PEX13: variants seen among roughly 807,000 people sequenced by gnomAD.
PEX13 encodes peroxisomal biogenesis factor 13, also known as peroxisome biogenesis factor 13.
A neutral mutation model predicts 34.5 loss-of-function variants in PEX13; 28 were observed. The observed-to-expected ratio is 0.81, with a 90% CI of 0.60 to 1.11. PEX13 has a LOEUF of 1.11. Ranked by LOEUF, PEX13 falls within the 50% of genes most tolerant of loss-of-function variation. The pLI is 0.00. For missense variants in PEX13, 550 were observed against 491.0 expected, an observed-to-expected ratio of 1.12 and a Z score of -1.13; for synonymous variants, 177 against 175.1, an observed-to-expected ratio of 1.01 and a Z score of -0.09.
At chr2:61,045,498 G>C (rs1018606022) in intron 2 of PEX13, among the ~76,000 whole-genome samples, 38 of 152,170 alleles carry the variant, frequency 2.5e-4, no homozygotes, top group Middle Eastern at 6.8e-3. Context: ...CCAACCCCTG[G>C]CTCACGGTAA....
intron 1 of PEX13, among the ~76,000 whole-genome samples, chr2:61,020,893 G>A (rs1319992956): frequency 1.3e-5 from 2 of 152,142 alleles, no homozygotes; most frequent in Non-Finnish European, 2.9e-5. Context: ...GACCTCAGGT[G>A]ATCTGCCCAC....
chr2:61,020,855 A>G (rs900216152), intron 1 of PEX13, among the ~76,000 whole-genome samples: 3 of 151,964 alleles, frequency 2.0e-5, no homozygotes, highest in East Asian at 1.9e-4. Flanking sequence ...GGGTTTCACT[A>G]TGTTGGCCAG....
chr2:61,049,197 AT>A lies in PEX13; in HGVS notation c.*442del, dbSNP rs201619544. The A allele has an allele frequency of 0.015, 2,240 of 150,994 alleles. No individual in the cohort carries two copies. The highest frequency in any genetic ancestry group is 0.045 in the South Asian group (250 of 5,512). 9.4% of individuals were successfully genotyped at this position (150,994 alleles called of 1,614,324 possible). On this transcript the variant is annotated 3_prime_UTR_variant, in exon 4 of 4. Transcript: ENST00000295030. ...CAGTATGAGAACAGGCAAAAGGTAA[AT>A]TTTTTTTTTTTTTTACAACCTTAAG...
chr2:61,047,552 G>C (rs1339385656), intron 3 of PEX13, among the ~76,000 whole-genome samples: 2 of 152,158 alleles, frequency 1.3e-5, no homozygotes, highest in East Asian at 1.9e-4. Context: ...GAACAACACA[G>C]ATAATTTTAA....
At position 61,031,973 on chromosome 2, in the gene PEX13, G is replaced by T. The variant is rs1461746467; in HGVS notation, c.647G>T (p.Gly216Val). 5 of 1,614,072 alleles carry T rather than the reference G, an allele frequency of 3.1e-6. No homozygotes were observed. The highest frequency in any genetic ancestry group is 2.2e-5 in the East Asian group (1 of 44,888). The change falls in exon 2 of 4, where the codon GGA (glycine) becomes GTA (valine). Residue 216 changes from glycine (G) to valine (V), a missense_variant. Physicochemically the swap from Gly to Val is moderately radical, Grantham distance 109. Coordinates refer to ENST00000295030, the MANE Select transcript of PEX13 (RefSeq NM_002618.4). ...GAAGACCTCTGGGCAGAGAGTGAAG[G>T]AACTGTGGCATGCCTTGGTGCTGAG... ...ENEDLWAESE[G>V]TVACLGAEDR...
intron 1 of PEX13, chr2:61,018,429 G>A (rs945352669): frequency 9.6e-7 from 1 of 1,044,470 alleles, no homozygotes; most frequent in Non-Finnish European, 1.3e-6. Flanking sequence ...GCCTATGGAT[G>A]GACTTTGTGT....
chr2:61,037,279 G>A (rs182985552), intron 2 of PEX13, among the ~76,000 whole-genome samples: 356 of 152,186 alleles, frequency 2.3e-3, no homozygotes, highest in Non-Finnish European at 4.6e-3. Context: ...CCTAATAGAC[G>A]TCTACAGAAC....
rs569645928 is a variant in PEX13 at position 61,038,926 on chromosome 2, G to A, written c.788-6800G>A. On this transcript the variant is annotated intron_variant, in intron 2 of 3. Transcript: ENST00000295030. ...AGCAAAGTATCAGGATACAAAATCA[G>A]TGTGCAAAAATCACAAGCATTCCTA... Among the ~76,000 whole-genome samples the A allele has an allele frequency of 9.2e-5, 14 of 152,240 alleles. 1 individual carries two copies. Among genetic ancestry groups the A allele is most frequent in the Middle Eastern group, 3.4e-3 (1 of 294 alleles).
intron 1 of PEX13, among the ~76,000 whole-genome samples, chr2:61,023,264 C>T (rs1375331177): frequency 1.3e-5 from 2 of 152,144 alleles, no homozygotes; most frequent in Non-Finnish European, 1.5e-5. Flanking sequence ...CTCAGCCTCC[C>T]AAAATGCTGG....
intron 2 of PEX13, among the ~76,000 whole-genome samples, chr2:61,041,688 T>G (rs938962744): frequency 6.6e-6 from 1 of 152,142 alleles, no homozygotes; most frequent in African/African-American, 2.4e-5. Context: ...AATGGCCAAA[T>G]TGAGTGATCA....
intron 1 of PEX13, among the ~76,000 whole-genome samples, chr2:61,021,834 G>T (rs920293390): frequency 2.6e-5 from 4 of 152,196 alleles, no homozygotes; most frequent in Non-Finnish European, 5.9e-5. Flanking sequence ...GAAGGATCAG[G>T]CAGCAATATT....
chr2:61,028,331 G>A (rs1314006174), intron 1 of PEX13, among the ~76,000 whole-genome samples: 1 of 151,604 alleles, frequency 6.6e-6, no homozygotes, highest in African/African-American at 2.4e-5. Flanking sequence ...CGAAATAAGA[G>A]TACAAGTTAA....
At chr2:61,029,336 G>A (rs902579809) in intron 1 of PEX13, among the ~76,000 whole-genome samples, 11 of 152,074 alleles carry the variant, frequency 7.2e-5, no homozygotes, top group Non-Finnish European at 1.5e-5. Context: ...AAAAATATAA[G>A]AGCAGATGTG....
intron 2 of PEX13, among the ~76,000 whole-genome samples, chr2:61,035,196 C>T (rs957813679): frequency 1.3e-5 from 2 of 152,150 alleles, no homozygotes; most frequent in African/African-American, 4.8e-5. Context: ...CTGGAGTGGA[C>T]CTCCAGCAAA....
chr2:61,019,624 C>T (rs72809431), intron 1 of PEX13, among the ~76,000 whole-genome samples: 2,376 of 152,048 alleles, frequency 0.016, 34 homozygotes, highest in Non-Finnish European at 0.026. Flanking sequence ...AACTAATTGT[C>T]GCAGCACCAT....
At chr2:61,036,615 T>C (rs2698196) in intron 2 of PEX13, among the ~76,000 whole-genome samples, 95,392 of 152,076 alleles carry the variant, frequency 0.63, 31,719 homozygotes, top group African/African-American at 0.85. Flanking sequence ...TACAAAAGCT[T>C]CTGAAGGAAG....
rs571779014 is a variant in PEX13 at position 61,029,249 on chromosome 2, C to T, written c.93-2170C>T. On this transcript the variant is annotated intron_variant, in intron 1 of 3. Coordinates refer to ENST00000295030, the MANE Select transcript of PEX13 (RefSeq NM_002618.4). The stretch of plus-strand genomic sequence containing the variant: ...AATAAGCACATGAAAATATGCTCAA[C>T]ATCATTAGCCGTCAAGAAAATGCAA... Among the ~76,000 whole-genome samples the T allele has an allele frequency of 8.6e-5, 13 of 151,722 alleles. No individual in the cohort carries two copies. The East Asian group carries it at 1.2e-3, about 14-fold the overall frequency.
intron 1 of PEX13, among the ~76,000 whole-genome samples, chr2:61,020,719 A>G (rs1040374276): frequency 2.6e-5 from 4 of 152,006 alleles, no homozygotes; most frequent in African/African-American, 7.3e-5. Context: ...CAGAGACGCA[A>G]TCTTGGCTCA....
At chr2:61,047,056 C>T (rs541483486) in intron 3 of PEX13, among the ~76,000 whole-genome samples, 2 of 151,950 alleles carry the variant, frequency 1.3e-5, no homozygotes, top group South Asian at 4.2e-4. Flanking sequence ...ACCTGTGGAA[C>T]AGCACCACTG....
Sources: gnomAD v4.1 joint callset for allele counts (sites outside exome capture counted in the v4.1 genomes callset) on GRCh38, gnomAD v4.1.1 for gene constraint, MANE v1.5 for transcripts, NCBI Gene and HGNC (gene_info 2026-07-23, HGNC 2026-07-21) for gene names.